ADK: variants seen among roughly 807,000 people sequenced by gnomAD.
ADK encodes the protein adenosine kinase.
In ADK, 24 loss-of-function variants were observed where a neutral mutation model predicts 44.7. That is an observed-to-expected ratio of 0.54 (90% CI 0.39 to 0.76). ADK has a LOEUF of 0.76. Ranked by LOEUF, ADK falls within the 30% of genes least tolerant of loss-of-function variation. The probability of loss-of-function intolerance (pLI) is 0.00; values close to 1 mark genes in which losing one functional copy is unlikely to be tolerated. For missense variants in ADK, 321 were observed against 425.1 expected, an observed-to-expected ratio of 0.76 and a Z score of 2.15; for synonymous variants, 128 against 142.6, an observed-to-expected ratio of 0.90 and a Z score of 0.73.
intron 3 of ADK, among the ~76,000 whole-genome samples, chr10:74,299,833 G>A (rs1214216932): frequency 1.3e-5 from 2 of 151,926 alleles, no homozygotes; most frequent in African/African-American, 4.8e-5. Flanking sequence ...TGAAGAGATA[G>A]TTCTGTAAGT....
intron 4 of ADK, among the ~76,000 whole-genome samples, chr10:74,387,409 A>G (rs1041965260): frequency 6.6e-6 from 1 of 152,240 alleles, no homozygotes; most frequent in African/African-American, 2.4e-5. Context: ...TAACAGGTAG[A>G]AAATCATTAG....
intron 6 of ADK, among the ~76,000 whole-genome samples, chr10:74,477,285 G>A (rs954343417): frequency 6.6e-6 from 1 of 152,086 alleles, no homozygotes; most frequent in African/African-American, 2.4e-5. Context: ...GCTTACTGCA[G>A]CTGCAACTTC....
chr10:74,300,052 CT>C (rs772490556), intron 3 of ADK, among the ~76,000 whole-genome samples: 437 of 140,116 alleles, frequency 3.1e-3, no homozygotes, highest in Middle Eastern at 0.011. Context: ...TCTTCGTCTT[CT>C]TTTTTTTTTT....
At chr10:74,509,075 C>T (rs1848195563) in intron 6 of ADK, among the ~76,000 whole-genome samples, 1 of 152,184 alleles carries the variant, frequency 6.6e-6, no homozygotes, top group Non-Finnish European at 1.5e-5. Context: ...CCCTATCCTC[C>T]CACTTGAGCC....
chr10:74,524,902 A>G (rs769652484), intron 6 of ADK, among the ~76,000 whole-genome samples: 6 of 152,196 alleles, frequency 3.9e-5, no homozygotes, highest in Non-Finnish European at 8.8e-5. Flanking sequence ...GTAAGAAGCT[A>G]AAAGGATTCA....
At chr10:74,471,710 A>G (rs1726093116) in intron 6 of ADK, among the ~76,000 whole-genome samples, 1 of 152,126 alleles carries the variant, frequency 6.6e-6, no homozygotes, top group African/African-American at 2.4e-5. Flanking sequence ...TTTTCAATGT[A>G]AAAATCTTGT....
intron 3 of ADK, among the ~76,000 whole-genome samples, chr10:74,305,833 C>G (rs570153862): frequency 6.6e-6 from 1 of 152,074 alleles, no homozygotes; most frequent in African/African-American, 2.4e-5. Context: ...CTGAAGTGAT[C>G]GTCCTGCCTC....
intron 4 of ADK, among the ~76,000 whole-genome samples, chr10:74,330,073 T>C (rs1245475664): frequency 6.6e-6 from 1 of 152,060 alleles, no homozygotes; most frequent in African/African-American, 2.4e-5. Flanking sequence ...GAAGCTGAGG[T>C]GCAAGAATTG....
intron 9 of ADK, among the ~76,000 whole-genome samples, chr10:74,650,593 C>T (rs1854225921): frequency 6.6e-6 from 1 of 152,090 alleles, no homozygotes; most frequent in Non-Finnish European, 1.5e-5. Context: ...CCTGTCAGTA[C>T]ATTAAAAATA....
chr10:74,708,747 A>T lies in ADK; in HGVS notation c.*302A>T. On this transcript the variant is annotated 3_prime_UTR_variant, in exon 11 of 11. Coordinates refer to ENST00000539909, the MANE Select transcript of ADK (RefSeq NM_006721.4). ...TCAATTACTTTGTAAATTCGTGTGT[A>T]TTTAGTACACTGATTTGTTTTTTTA... The T allele has an allele frequency of 3.5e-6, 1 of 289,776 alleles. No homozygotes were observed. The highest frequency in any genetic ancestry group is 8.7e-5 in the East Asian group (1 of 11,478). 18.0% of individuals were successfully genotyped at this position (289,776 alleles called of 1,614,324 possible).
At chr10:74,596,791 C>T (rs1027621534) in intron 8 of ADK, among the ~76,000 whole-genome samples, 3 of 152,238 alleles carry the variant, frequency 2.0e-5, no homozygotes, top group Non-Finnish European at 4.4e-5. Context: ...AAGCGATTCA[C>T]CCGCCTCCGC....
chr10:74,247,224 G>GTTTTTTTT (rs142274121), intron 3 of ADK, among the ~76,000 whole-genome samples: 68 of 72,004 alleles, frequency 9.4e-4, no homozygotes, highest in East Asian at 1.4e-3. Flanking sequence ...TTTTTTTTAA[G>GTTTTTTTT]TTTTTTTTTT....
chr10:74,520,824 T>G (rs1428931800), intron 6 of ADK, among the ~76,000 whole-genome samples: 1 of 152,134 alleles, frequency 6.6e-6, no homozygotes, highest in African/African-American at 2.4e-5. Flanking sequence ...GTTGTTTTGT[T>G]TTCTGTTATA....
chr10:74,650,611 T>G (rs1854226639), intron 9 of ADK, among the ~76,000 whole-genome samples: 1 of 152,170 alleles, frequency 6.6e-6, no homozygotes, highest in Admixed American at 6.5e-5. Context: ...ATAGAGACTT[T>G]TTGGCATTAC....
At chr10:74,524,016 T>C (rs16931477) in intron 6 of ADK, among the ~76,000 whole-genome samples, 4,578 of 152,230 alleles carry the variant, frequency 0.03, 197 homozygotes, top group African/African-American at 0.093. Context: ...TACCCTGCCA[T>C]CCAAGGCCCT....
intron 7 of ADK, among the ~76,000 whole-genome samples, chr10:74,546,101 C>T (rs552182296): frequency 6.6e-6 from 1 of 152,256 alleles, no homozygotes; most frequent in Admixed American, 6.5e-5. Context: ...ATGCTGAAGT[C>T]AGAGTTTATC....
intron 10 of ADK, among the ~76,000 whole-genome samples, chr10:74,689,663 GGT>G (rs1486394831): frequency 3.3e-5 from 5 of 152,142 alleles, no homozygotes; most frequent in Non-Finnish European, 7.4e-5. Flanking sequence ...TTCGTTTATA[GGT>G]GTGAGTGGGG....
intron 4 of ADK, among the ~76,000 whole-genome samples, chr10:74,335,239 CTTTAT>C (rs1056502638): frequency 1.3e-5 from 2 of 151,748 alleles, no homozygotes; most frequent in Non-Finnish European, 2.9e-5. Flanking sequence ...CAGACCTATT[CTTTAT>C]TTTATTTTAT....
At chr10:74,460,084 C>G (rs1367057737) in intron 6 of ADK, among the ~76,000 whole-genome samples, 2 of 152,268 alleles carry the variant, frequency 1.3e-5, no homozygotes, top group South Asian at 2.1e-4. Context: ...GTTTCTGTCT[C>G]TGGCTATCCA....
Sources: allele counts gnomAD v4.1 joint callset (sites outside exome capture counted in the v4.1 genomes callset), GRCh38; gene constraint gnomAD v4.1.1; transcripts MANE v1.5; gene names NCBI Gene and HGNC (gene_info 2026-07-23, HGNC 2026-07-21).